MAPKAPK5: variants seen among roughly 807,000 people sequenced by gnomAD.
MAPKAPK5 encodes MAP kinase-activated protein kinase 5.
A neutral mutation model predicts 65.1 loss-of-function variants in MAPKAPK5; 30 were observed. That is an observed-to-expected ratio of 0.46 (90% CI 0.34 to 0.63). The LOEUF (loss-of-function observed/expected upper bound fraction) is 0.63. Among genes scored for constraint, MAPKAPK5 ranks in the 20% least tolerant of loss-of-function variants. MAPKAPK5 has a pLI of 0.01. For missense variants in MAPKAPK5, 433 were observed against 581.4 expected, an observed-to-expected ratio of 0.74 and a Z score of 2.63; for synonymous variants, 179 against 204.6, an observed-to-expected ratio of 0.87 and a Z score of 1.07.
chr12:111,876,733 C>CT (rs1377862685), intron 7 of MAPKAPK5, among the ~76,000 whole-genome samples: 1 of 152,022 alleles, frequency 6.6e-6, no homozygotes, highest in Non-Finnish European at 1.5e-5. Context: ...TATTTTCATC[C>CT]TTTTTTCCTT....
chr12:111,877,420 C>T lies in MAPKAPK5; in HGVS notation c.580-3027C>T, dbSNP rs114349122. Among the ~76,000 whole-genome samples the T allele has an allele frequency of 3.7e-3, 561 of 152,140 alleles. 6 individuals are homozygous for T. Among genetic ancestry groups the T allele is most frequent in the Middle Eastern group, 0.02 (6 of 294 alleles). On this transcript the variant is annotated intron_variant, in intron 7 of 13. Transcript: ENST00000550735. ...TTCAGGTCTTCTGCATTTTCACCTG[C>T]ATTTGGTATGGTCAGTCTTTTTTAT...
intron 1 of MAPKAPK5, 129 bp downstream of exon 1, chr12:111,842,898 T>G (rs2068764173): frequency 1.1e-6 from 1 of 939,432 alleles, no homozygotes; most frequent in African/African-American, 1.7e-5. Context: ...TCCCCCGGAT[T>G]CCGTGGATCG....
At chr12:111,850,376 A>T (rs900972729) in intron 1 of MAPKAPK5, among the ~76,000 whole-genome samples, 1 of 152,198 alleles carries the variant, frequency 6.6e-6, no homozygotes, top group Non-Finnish European at 1.5e-5. Context: ...CGTGGGTGCG[A>T]GAGTGCTATA....
chr12:111,847,068 G>A (rs1053668135), intron 1 of MAPKAPK5, among the ~76,000 whole-genome samples: 3 of 152,156 alleles, frequency 2.0e-5, no homozygotes, highest in Admixed American at 6.5e-5. Flanking sequence ...GGGGCTGGGC[G>A]TGGTGGCTTA....
Position 111,893,302 on chromosome 12 carries a change from A to AC in MAPKAPK5, c.*241_*242insC, listed in dbSNP as rs2070690373. ...TTGTATATTTGTAAGATGACAGATG[A>AC]TGCTGTCAAGCAATATTGTTTTATT... On this transcript the variant is annotated 3_prime_UTR_variant, in exon 14 of 14. Transcript: ENST00000550735. 4.8e-6 allele frequency: 1 copy of AC among 208,686 alleles called. No individual in the cohort carries two copies. Among genetic ancestry groups the AC allele is most frequent in the Non-Finnish European group, 9.6e-6 (1 of 104,464 alleles). 12.9% of individuals were successfully genotyped at this position (208,686 alleles called of 1,614,324 possible).
chr12:111,889,030 G>T, intron 12 of MAPKAPK5, 30 bp downstream of exon 12: 1 of 1,554,116 alleles, frequency 6.4e-7, no homozygotes, highest in Non-Finnish European at 8.7e-7. Flanking sequence ...CTAATCCTCT[G>T]TGTGTCTGTG....
intron 12 of MAPKAPK5, 51 bp downstream of exon 12, chr12:111,889,051 TGC>T: frequency 6.5e-7 from 1 of 1,542,156 alleles, no homozygotes; most frequent in South Asian, 1.2e-5. Flanking sequence ...AGTGTGTGTG[TGC>T]AGGGGTGGGT....
chr12:111,886,570 TGAA>T (rs1270164243), intron 10 of MAPKAPK5, among the ~76,000 whole-genome samples: 4 of 152,256 alleles, frequency 2.6e-5, no homozygotes, highest in Non-Finnish European at 5.9e-5. Flanking sequence ...GCGCTGTCCT[TGAA>T]GAATTTGAGT....
intron 1 of MAPKAPK5, among the ~76,000 whole-genome samples, chr12:111,847,119 A>T (rs1352566276): frequency 6.6e-6 from 1 of 151,896 alleles, no homozygotes; most frequent in Non-Finnish European, 1.5e-5. Context: ...AGGTGGGTAG[A>T]TCATTTGAGG....
intron 7 of MAPKAPK5, among the ~76,000 whole-genome samples, chr12:111,878,514 G>C (rs1353532477): frequency 1.3e-5 from 2 of 152,048 alleles, no homozygotes; most frequent in African/African-American, 4.8e-5. Context: ...CCGCCTCCAG[G>C]GTTCAAGCCA....
At chr12:111,888,117 A>AT in intron 10 of MAPKAPK5, 1 of 223,990 alleles carries the variant, frequency 4.5e-6, no homozygotes, top group Non-Finnish European at 8.9e-6. Flanking sequence ...GAGGTGAATC[A>AT]ATACCGTCTG....
chr12:111,885,155 A>G (rs916914078), intron 9 of MAPKAPK5, among the ~76,000 whole-genome samples: 2 of 152,230 alleles, frequency 1.3e-5, no homozygotes, highest in African/African-American at 4.8e-5. Flanking sequence ...TTTCTTTAGA[A>G]TCTGAAGCCA....
At position 111,842,261 on chromosome 12, in the gene MAPKAPK5, G is replaced by GGAGCAGCGGCGCCGA. The variant is rs1337977599; in HGVS notation, c.-471_-457dup. Reference sequence around the variant, plus strand: ...GATGTGTGGCGCTGAGGCGGCGGCGGGAGCAGCGGCGCCGAGCTCTGCTTC... The same window carrying GGAGCAGCGGCGCCGA: ...GATGTGTGGCGCTGAGGCGGCGGCGGGAGCAGCGGCGCCGAGAGCAGCGGCGCCGAGCTCTGCTTC... On this transcript the variant is annotated 5_prime_UTR_variant, in exon 1 of 14. Transcript: ENST00000550735. 6.5e-6 allele frequency: 1 copy of GGAGCAGCGGCGCCGA among 154,144 alleles called. No homozygotes were observed. The highest frequency in any genetic ancestry group is 1.4e-5 in the Non-Finnish European group (1 of 69,666). 9.5% of individuals were successfully genotyped at this position (154,144 alleles called of 1,614,324 possible).
At position 111,900,426 on chromosome 12, in the gene MAPKAPK5, T is replaced by G. The variant is rs1391373380; in HGVS notation, c.*7365T>G. Reference sequence around the variant, plus strand: ...GGCCTGCTTTTGTAAAGATAAGCACTTTTGCCTCATGCATGAAAATATCAC... The same window carrying G: ...GGCCTGCTTTTGTAAAGATAAGCACGTTTGCCTCATGCATGAAAATATCAC... On this transcript the variant is annotated 3_prime_UTR_variant, in exon 14 of 14. Coordinates refer to ENST00000550735, the MANE Select transcript of MAPKAPK5 (RefSeq NM_003668.4). 2 of 455,962 alleles carry G rather than the reference T, an allele frequency of 4.4e-6. No individual in the cohort carries two copies. The highest frequency in any genetic ancestry group is 8.8e-6 in the Non-Finnish European group (2 of 226,806). 28.2% of individuals were successfully genotyped at this position (455,962 alleles called of 1,614,324 possible). A position where few individuals can be genotyped will look rare whatever the true frequency, so the allele number is the denominator to read the frequency against.
At position 111,858,997 on chromosome 12, in the gene MAPKAPK5, C is replaced by T. The variant is rs990773622; in HGVS notation, c.37-6253C>T. Reference sequence around the variant, plus strand: ...CATCAGTTTTCTTTAATTCTTTGGACGTTTAAAATAGTTGCTTTTAAGTGC... The same window carrying T: ...CATCAGTTTTCTTTAATTCTTTGGATGTTTAAAATAGTTGCTTTTAAGTGC... On this transcript the variant is annotated intron_variant, in intron 1 of 13. Coordinates refer to ENST00000550735, the MANE Select transcript of MAPKAPK5 (RefSeq NM_003668.4). Among the ~76,000 whole-genome samples, 7 of 146,616 alleles carry T rather than the reference C, an allele frequency of 4.8e-5. 2 individuals carry two copies. The highest frequency in any genetic ancestry group is 1.0e-4 in the Non-Finnish European group (7 of 66,788).
In MAPKAPK5 at chr12:111,888,880, T is replaced by TA. The variant is rs1439405533; in HGVS notation, c.1101-2dup. ...TGTCATTACCCCTCCCTCAAACTCT[T>TA]AAAGCACCAAGCCAAAGGACAGTGT... On this transcript the variant is annotated splice_region_variant and splice_polypyrimidine_tract_variant and intron_variant, in intron 11 of 13. Transcript: ENST00000550735. 2.5e-6 allele frequency: 4 copies of TA among 1,613,408 alleles called. No homozygotes were observed. Among genetic ancestry groups the TA allele is most frequent in the South Asian group, 2.2e-5 (2 of 91,026 alleles).
chr12:111,846,402 G>A (rs147389582), intron 1 of MAPKAPK5, among the ~76,000 whole-genome samples: 209 of 152,226 alleles, frequency 1.4e-3, no homozygotes, highest in Non-Finnish European at 2.5e-3. Flanking sequence ...CCTTATCCAC[G>A]GTTTTGCTTT....
intron 7 of MAPKAPK5, among the ~76,000 whole-genome samples, chr12:111,873,557 A>G (rs988049517): frequency 7.2e-5 from 11 of 151,986 alleles, no homozygotes. Flanking sequence ...GTTGGCCAGG[A>G]TGGTCTTGAT....
At chr12:111,875,531 T>C (rs1426293437) in intron 7 of MAPKAPK5, among the ~76,000 whole-genome samples, 1 of 152,134 alleles carries the variant, frequency 6.6e-6, no homozygotes, top group Non-Finnish European at 1.5e-5. Context: ...TACTGCTTGG[T>C]CCCTGCAAGC....
Sources: gnomAD v4.1 joint callset for allele counts (sites outside exome capture counted in the v4.1 genomes callset) on GRCh38, gnomAD v4.1.1 for gene constraint, MANE v1.5 for transcripts, NCBI Gene and HGNC (gene_info 2026-07-23, HGNC 2026-07-21) for gene names.